Variants in LIMA1 observed in about 807,000 individuals in gnomAD.
LIMA1 encodes the protein LIM domain and actin binding 1.
A neutral mutation model predicts 62.6 loss-of-function variants in LIMA1; 52 were observed. The observed-to-expected ratio is 0.83, with a 90% CI of 0.67 to 1.05. LIMA1 has a LOEUF of 1.05. Among genes scored for constraint, LIMA1 ranks in the 50% least tolerant of loss-of-function variants. The pLI, the probability that LIMA1 is intolerant of heterozygous loss-of-function variation, is 0.00. For missense variants in LIMA1, 780 were observed against 902.2 expected, an observed-to-expected ratio of 0.86 and a Z score of 1.74; for synonymous variants, 302 against 317.8, an observed-to-expected ratio of 0.95 and a Z score of 0.53.
chr12:50,263,830 G>GT (rs1236103445), intron 1 of LIMA1, among the ~76,000 whole-genome samples: 1 of 115,364 alleles, frequency 8.7e-6, no homozygotes. Context: ...TATATATAGA[G>GT]AGAGTATATA....
chr12:50,242,388 C>T (rs2138622042), intron 2 of LIMA1, among the ~76,000 whole-genome samples: 1 of 151,538 alleles, frequency 6.6e-6, no homozygotes, highest in South Asian at 2.1e-4. Context: ...TAGGTTCTCA[C>T]TCTGTCACCC....
intron 1 of LIMA1, among the ~76,000 whole-genome samples, chr12:50,274,157 T>C (rs1043353186): frequency 6.6e-6 from 1 of 152,180 alleles, no homozygotes; most frequent in Non-Finnish European, 1.5e-5. Flanking sequence ...TACAACACTT[T>C]GGATTGCAAA....
intron 5 of LIMA1, 127 bp from the exon 6 acceptor site, chr12:50,204,827 C>G (rs533137469): frequency 1.2e-6 from 1 of 828,924 alleles, no homozygotes; most frequent in African/African-American, 1.7e-5. Flanking sequence ...TCAAGATATC[C>G]TCCCGCCTCA....
chr12:50,220,070 A>G (rs1941415456), intron 4 of LIMA1, among the ~76,000 whole-genome samples: 1 of 145,890 alleles, frequency 6.9e-6, no homozygotes, highest in Admixed American at 6.9e-5. Flanking sequence ...TTATTTTTAT[A>G]TATTTTTTGA....
Position 50,177,825 on chromosome 12 carries a change from T to C in LIMA1, c.1519A>G (p.Ser507Gly), listed in dbSNP as rs916037750. Residue 507 changes from serine to glycine, a missense_variant, in exon 11 of 11, where the codon AGT becomes GGT. Coordinates refer to ENST00000341247, the MANE Select transcript of LIMA1 (RefSeq NM_016357.5). ...PIAKVGVLAA[S>G]MEAKASSQQE... The stretch of plus-strand genomic sequence containing the variant: ...TGAGAGGAGGCCTTGGCTTCCATAC[T>C]TGCAGCCAGGACACCCACCTTAGCA... 1.2e-6 allele frequency: 2 copies of C among 1,613,420 alleles called. No homozygotes were observed. The highest frequency in any genetic ancestry group is 2.7e-5 in the African/African-American group (2 of 74,894).
intron 1 of LIMA1, among the ~76,000 whole-genome samples, chr12:50,281,642 A>G (rs553305660): frequency 1.4e-4 from 21 of 152,330 alleles, no homozygotes; most frequent in African/African-American, 4.8e-4. Flanking sequence ...AACAGATCCA[A>G]CTATTTACTA....
At chr12:50,216,442 C>T (rs1941346460) in intron 4 of LIMA1, among the ~76,000 whole-genome samples, 1 of 151,908 alleles carries the variant, frequency 6.6e-6, no homozygotes, top group South Asian at 2.1e-4. Flanking sequence ...CTCAAACTCT[C>T]GACCTCAGGT....
chr12:50,181,203 A>G (rs1468798724), intron 10 of LIMA1, among the ~76,000 whole-genome samples: 1 of 151,978 alleles, frequency 6.6e-6, no homozygotes, highest in Admixed American at 6.6e-5. Flanking sequence ...ACTGAGGTAC[A>G]CTTTGGCTGC....
chr12:50,255,793 CATA>C (rs1436455553), intron 1 of LIMA1, among the ~76,000 whole-genome samples: 5 of 151,496 alleles, frequency 3.3e-5, no homozygotes, highest in African/African-American at 7.3e-5. Flanking sequence ...TACATTGCTA[CATA>C]ATGTTTTTTC....
At chr12:50,242,761 G>A (rs80003859) in intron 2 of LIMA1, among the ~76,000 whole-genome samples, 3,362 of 152,254 alleles carry the variant, frequency 0.022, 117 homozygotes, top group East Asian at 0.16. Flanking sequence ...ACCTTTACAA[G>A]GGATCAAAGC....
intron 1 of LIMA1, among the ~76,000 whole-genome samples, chr12:50,261,091 C>T (rs1428953348): frequency 9.8e-5 from 11 of 112,258 alleles, no homozygotes; most frequent in African/African-American, 3.2e-4. Context: ...CTCGCTCTGT[C>T]GCCCAGGCTG....
intron 3 of LIMA1, among the ~76,000 whole-genome samples, chr12:50,231,143 A>G (rs1460438071): frequency 6.6e-6 from 1 of 152,232 alleles, no homozygotes; most frequent in Admixed American, 6.5e-5. Flanking sequence ...GGAAGTTAGC[A>G]AGCACGGAGA....
chr12:50,251,330 A>G (rs1261444402), intron 1 of LIMA1, among the ~76,000 whole-genome samples: 1 of 152,130 alleles, frequency 6.6e-6, no homozygotes, highest in East Asian at 1.9e-4. Context: ...TATACAAGAT[A>G]CATTTGCAGG....
intron 9 of LIMA1, chr12:50,186,416 T>A (rs1207074146): frequency 1.3e-5 from 2 of 151,988 alleles, no homozygotes; most frequent in Admixed American, 6.6e-5. Context: ...ATGGCAGGAG[T>A]GATGCCATCT....
At chr12:50,258,897 C>T (rs189377736) in intron 1 of LIMA1, among the ~76,000 whole-genome samples, 7 of 152,080 alleles carry the variant, frequency 4.6e-5, no homozygotes, top group Admixed American at 1.3e-4. Flanking sequence ...CTGCCCACCT[C>T]GGCCCCCCAA....
chr12:50,181,090 C>A (rs1191884697), intron 10 of LIMA1, among the ~76,000 whole-genome samples: 2 of 120,144 alleles, frequency 1.7e-5, no homozygotes, highest in African/African-American at 3.4e-5. Flanking sequence ...CCACCCTGGG[C>A]AACAGAGTGA....
intron 9 of LIMA1, among the ~76,000 whole-genome samples, chr12:50,191,715 G>C (rs572848454): frequency 6.6e-6 from 1 of 152,090 alleles, no homozygotes; most frequent in Non-Finnish European, 1.5e-5. Context: ...CCAGCTACTC[G>C]GGAGGCCGAG....
intron 2 of LIMA1, among the ~76,000 whole-genome samples, chr12:50,238,734 CAGCTATTG>C: frequency 6.6e-6 from 1 of 151,668 alleles, no homozygotes; most frequent in Non-Finnish European, 1.5e-5. Flanking sequence ...CCTGTAATCC[CAGCTATTG>C]AGGAGGCTGA....
chr12:50,228,776 C>G (rs1343635872), intron 3 of LIMA1, among the ~76,000 whole-genome samples: 3 of 152,248 alleles, frequency 2.0e-5, no homozygotes, highest in Non-Finnish European at 4.4e-5. Context: ...CAAAACTGAG[C>G]TTCTACTATT....
Sources: allele counts gnomAD v4.1 joint callset (sites outside exome capture counted in the v4.1 genomes callset), GRCh38; gene constraint gnomAD v4.1.1; transcripts MANE v1.5; gene names NCBI Gene and HGNC (gene_info 2026-07-23, HGNC 2026-07-21).